The following CLCN4 variants were observed in gnomAD, a reference collection of about 807,000 sequenced individuals.
The protein encoded by CLCN4 is H(+)/Cl(-) exchange transporter 4.
A neutral mutation model predicts 41.7 loss-of-function variants in CLCN4; 1 was observed. That is an observed-to-expected ratio of 0.02 (90% CI 0.01 to 0.11). The LOEUF is 0.11. CLCN4 is among the 10% of genes least tolerant of loss of function. The pLI is 1.00. For missense variants in CLCN4, 287 were observed against 661.0 expected, an observed-to-expected ratio of 0.43 and a Z score of 6.20; for synonymous variants, 277 against 285.8, an observed-to-expected ratio of 0.97 and a Z score of 0.31.
rs200902751 is a variant in CLCN4, at chrX:10,209,267, TCCTCCCTCCCTCCCTC to T, written c.1389+689_1389+704del. 1.8e-4 allele frequency among the ~76,000 whole-genome samples: 13 copies of T among 72,059 alleles called. No homozygotes were observed. In the South Asian group the frequency reaches 4.0e-3, roughly 22 times the overall value. The allele number at this position is 72,059 out of a possible 115,157, so 62.6% of individuals were successfully genotyped here. ...GATGACAGCACATGCTTTCTTTTCCTCCTCCCTCCCTCCCTCCCTCCCTCCCTTCCTTCCCTTCCTT... is the reference window on the plus strand; with the variant it reads ...GATGACAGCACATGCTTTCTTTTCCTCCTCCCTCCCTTCCTTCCCTTCCTT... On this transcript the variant is annotated intron_variant, in intron 9 of 12. Transcript: ENST00000380833.
At chrX:10,207,013 G>A (rs1215860404) in intron 8 of CLCN4, among the ~76,000 whole-genome samples, 1 of 110,362 alleles carries the variant, frequency 9.1e-6, no homozygotes, top group Non-Finnish European at 1.9e-5. Flanking sequence ...TCCGCTTCCC[G>A]GGTTGAAGCA....
intron 9 of CLCN4, among the ~76,000 whole-genome samples, chrX:10,210,409 A>G (rs1924512363): frequency 9.0e-6 from 1 of 111,633 alleles, no homozygotes; most frequent in Non-Finnish European, 1.9e-5. Flanking sequence ...CAGGACCAGA[A>G]GCAGAACATT....
chrX:10,203,295 T>G (rs1031503930), intron 6 of CLCN4, among the ~76,000 whole-genome samples: 37 of 111,518 alleles, frequency 3.3e-4, no homozygotes, highest in Non-Finnish European at 6.0e-4. Context: ...ATCCCTTAAA[T>G]AAAGGGATCT....
At position 10,187,515 on chromosome X, in the gene CLCN4, A is replaced by G. The variant is rs1424367369; in HGVS notation, c.145A>G (p.Ile49Val). 8.3e-7 allele frequency: 1 copy of G among 1,198,102 alleles called. No individual in the cohort carries two copies. Among genetic ancestry groups the G allele is most frequent in the Non-Finnish European group, 1.1e-6 (1 of 884,530 alleles). Reference sequence around the variant, plus strand: ...AGTTGCTGTATCTGCTTTGTTCTAGATCACCAGCAAGAGCAAGGAGTCCAT... The same window carrying G: ...AGTTGCTGTATCTGCTTTGTTCTAGGTCACCAGCAAGAGCAAGGAGTCCAT... The part of the protein sequence containing the change: ...KSRDTDRHRK[I>V]TSKSKESIWE... The change falls in exon 4 of 13, where the codon ATC (isoleucine) becomes GTC (valine). Residue 49 changes from isoleucine to valine, a missense_variant and splice_region_variant. Ile to Val is a conservative substitution (Grantham distance 29). This residue lies in a region of CLCN4 where 90 missense variants were observed against 209.8 expected (regional missense o/e 0.43). Coordinates refer to ENST00000380833, the MANE Select transcript of CLCN4 (RefSeq NM_001830.4).
chrX:10,231,347 C>T (rs1344474454), intron 12 of CLCN4, among the ~76,000 whole-genome samples: 1 of 111,021 alleles, frequency 9.0e-6, no homozygotes, highest in Non-Finnish European at 1.9e-5. Flanking sequence ...ACTACCAAAC[C>T]ATGATGATGT....
chrX:10,164,878 C>T (rs1008075879), intron 2 of CLCN4, among the ~76,000 whole-genome samples: 2 of 112,611 alleles, frequency 1.8e-5, no homozygotes, highest in African/African-American at 6.5e-5. Context: ...TGGCTGAAGT[C>T]TCCCAAGCTG....
At chrX:10,230,867 T>A (rs1414700756) in intron 12 of CLCN4, among the ~76,000 whole-genome samples, 1 of 112,099 alleles carries the variant, frequency 8.9e-6, no homozygotes, top group African/African-American at 3.2e-5. Flanking sequence ...ACATCCATAG[T>A]TTACTTTAGA....
chrX:10,179,066 T>C (rs776753405), intron 2 of CLCN4, among the ~76,000 whole-genome samples: 2 of 112,132 alleles, frequency 1.8e-5, no homozygotes, highest in South Asian at 7.4e-4. Context: ...TTCATTTTGC[T>C]GACACTGAAG....
intron 2 of CLCN4, among the ~76,000 whole-genome samples, chrX:10,170,948 G>A (rs916725832): frequency 8.0e-5 from 9 of 112,346 alleles, no homozygotes; most frequent in African/African-American, 2.9e-4. Flanking sequence ...GCAGTGGCGC[G>A]ATCTCCGCTC....
At chrX:10,233,397 T>A in intron 12 of CLCN4, 97 bp from the exon 13 acceptor site, 1 of 605,392 alleles carries the variant, frequency 1.7e-6, no homozygotes, top group Non-Finnish European at 2.8e-6. Context: ...ATGTTGTCTG[T>A]CTCTGTGTCC....
intron 12 of CLCN4, among the ~76,000 whole-genome samples, chrX:10,232,206 T>C (rs1925143910): frequency 9.0e-6 from 1 of 111,649 alleles, no homozygotes; most frequent in East Asian, 2.8e-4. Context: ...CTGTTTAAGG[T>C]CCAGTGTTGT....
At chrX:10,191,831 C>T (rs752966880) in intron 4 of CLCN4, among the ~76,000 whole-genome samples, 21 of 106,506 alleles carry the variant, frequency 2.0e-4, no homozygotes, top group African/African-American at 4.8e-4. Flanking sequence ...TAAGCCACTG[C>T]GCCTGGCCCT....
At chrX:10,172,418 T>G (rs912163774) in intron 2 of CLCN4, among the ~76,000 whole-genome samples, 1 of 111,764 alleles carries the variant, frequency 8.9e-6, no homozygotes, top group Non-Finnish European at 1.9e-5. Context: ...TGGAAGGTTT[T>G]GAGTGATATG....
chrX:10,191,057 C>G (rs1377192077), intron 4 of CLCN4, among the ~76,000 whole-genome samples: 1 of 111,872 alleles, frequency 8.9e-6, no homozygotes. Context: ...TATAATTCAC[C>G]CATTTAAAGT....
At chrX:10,222,755 C>T (rs1017775024) in intron 12 of CLCN4, among the ~76,000 whole-genome samples, 8 of 111,940 alleles carry the variant, frequency 7.1e-5, no homozygotes, top group Non-Finnish European at 1.5e-4. Context: ...CACTTTCTTC[C>T]TGCTGTCCTG....
intron 9 of CLCN4, 56 bp from the exon 10 acceptor site, chrX:10,212,411 T>A (rs1006336756): frequency 8.9e-7 from 1 of 1,119,248 alleles, no homozygotes; most frequent in African/African-American, 1.8e-5. Context: ...TTGGGGGTCG[T>A]GAAGCGGGGA....
At chrX:10,206,302 T>C in intron 6 of CLCN4, 56 bp from the exon 7 acceptor site, 1 of 933,127 alleles carries the variant, frequency 1.1e-6, no homozygotes, top group Non-Finnish European at 1.5e-6. Context: ...ATAGCTCTTT[T>C]CCTAGCCATG....
intron 2 of CLCN4, among the ~76,000 whole-genome samples, chrX:10,164,846 C>G (rs2147157320): frequency 8.9e-6 from 1 of 112,573 alleles, no homozygotes; most frequent in South Asian, 3.7e-4. Flanking sequence ...ACCTGAAAAG[C>G]TCTCTTTCCC....
chrX:10,181,475 G>A (rs2147165757), intron 2 of CLCN4, among the ~76,000 whole-genome samples: 1 of 112,347 alleles, frequency 8.9e-6, no homozygotes, highest in East Asian at 2.8e-4. Flanking sequence ...CACAGATAGG[G>A]TGAAACAGAA....
Sources: gnomAD v4.1 joint callset for allele counts (sites outside exome capture counted in the v4.1 genomes callset) on GRCh38, gnomAD v4.1.1 for gene constraint, gnomAD v4.1.1 regional missense constraint, MANE v1.5 for transcripts, NCBI Gene and HGNC (gene_info 2026-07-23, HGNC 2026-07-21) for gene names.